Variants in TBC1D19 observed in about 807,000 individuals in gnomAD.
The protein encoded by TBC1D19 is TBC1 domain family member 19.
Under a neutral mutation model 89.0 loss-of-function variants are expected in TBC1D19, and 60 were observed. That is an observed-to-expected ratio of 0.67 (90% CI 0.55 to 0.84). TBC1D19 has a LOEUF of 0.84. Among genes scored for constraint, TBC1D19 ranks in the 40% least tolerant of loss-of-function variants. The pLI, the probability that TBC1D19 is intolerant of heterozygous loss-of-function variation, is 0.00. For missense variants in TBC1D19, 500 were observed against 610.8 expected, an observed-to-expected ratio of 0.82 and a Z score of 1.91; for synonymous variants, 189 against 199.7, an observed-to-expected ratio of 0.95 and a Z score of 0.45.
At chr4:26,704,928 T>C (rs1232614920) in intron 13 of TBC1D19, among the ~76,000 whole-genome samples, 2 of 152,176 alleles carry the variant, frequency 1.3e-5, no homozygotes, top group African/African-American at 4.8e-5. Context: ...GCCAACATGT[T>C]ACTTTCTCTT....
chr4:26,650,808 T>C (rs1744309374), intron 7 of TBC1D19, among the ~76,000 whole-genome samples: 1 of 152,226 alleles, frequency 6.6e-6, no homozygotes, highest in African/African-American at 2.4e-5. Context: ...TCCTGAATGG[T>C]ATTACCTAGG....
At chr4:26,809,854 G>C in the TBC1D19 span, among the ~76,000 whole-genome samples, 1 of 152,112 alleles carries the variant, frequency 6.6e-6, no homozygotes, top group South Asian at 2.1e-4. Flanking sequence ...ACCTCTTTAC[G>C]GTCCTGACTC....
intron 13 of TBC1D19, among the ~76,000 whole-genome samples, chr4:26,707,376 T>C (rs1185044736): frequency 6.6e-6 from 1 of 152,086 alleles, no homozygotes; most frequent in Non-Finnish European, 1.5e-5. Flanking sequence ...GGTTACTATT[T>C]GCATGGAGGG....
intron 7 of TBC1D19, among the ~76,000 whole-genome samples, chr4:26,645,180 A>G (rs7676433): frequency 2.6e-5 from 4 of 152,348 alleles, no homozygotes; most frequent in South Asian, 2.1e-4. Flanking sequence ...GAACCAAAAA[A>G]GAGCCCGCAG....
chr4:26,843,934 C>T, the TBC1D19 span, among the ~76,000 whole-genome samples: 7 of 152,122 alleles, frequency 4.6e-5, no homozygotes, highest in Non-Finnish European at 7.4e-5. Context: ...AACCAGATCT[C>T]GTGTGAACTC....
chr4:26,590,796 GTTTTTTTTTTTTT>G lies in TBC1D19; in HGVS notation c.99+6523_99+6535del, dbSNP rs869124166. ...GGTTCACTCTTTGTCTTGCAGGTCTGTTTTTTTTTTTTTTTTTTTTTTTTTTTTTTTGTGAGTC... is the reference window on the plus strand; with the variant it reads ...GGTTCACTCTTTGTCTTGCAGGTCTGTTTTTTTTTTTTTTTTTTGTGAGTC... On this transcript the variant is annotated intron_variant, in intron 1 of 20. Coordinates refer to ENST00000264866, the MANE Select transcript of TBC1D19 (RefSeq NM_018317.4). Among the ~76,000 whole-genome samples, 34 of 52,962 alleles carry G rather than the reference GTTTTTTTTTTTTT, an allele frequency of 6.4e-4. No individual in the cohort carries two copies. In the East Asian group the frequency reaches 7.4e-3, roughly 12 times the overall value. 34.7% of individuals were successfully genotyped at this position (52,962 alleles called of 152,430 possible). A position where few individuals can be genotyped will look rare whatever the true frequency, so the allele number is the denominator to read the frequency against.
At chr4:26,752,807 GA>G (rs1483393518) in intron 19 of TBC1D19, among the ~76,000 whole-genome samples, 2 of 152,060 alleles carry the variant, frequency 1.3e-5, no homozygotes, top group Non-Finnish European at 2.9e-5. Flanking sequence ...ATGTTTAATG[GA>G]AAAAATAATC....
At chr4:26,640,432 G>A (rs932478340) in intron 7 of TBC1D19, among the ~76,000 whole-genome samples, 1 of 152,212 alleles carries the variant, frequency 6.6e-6, no homozygotes, top group African/African-American at 2.4e-5. Context: ...ACTGTAGGAA[G>A]TGGGTTCCAA....
At chr4:26,763,640 C>T in the TBC1D19 span, among the ~76,000 whole-genome samples, 2 of 152,202 alleles carry the variant, frequency 1.3e-5, no homozygotes, top group Admixed American at 6.5e-5. Context: ...GGGCACATGT[C>T]GTCAGGACTT....
intron 11 of TBC1D19, among the ~76,000 whole-genome samples, chr4:26,677,138 T>C (rs979290483): frequency 5.9e-5 from 9 of 152,220 alleles, no homozygotes; most frequent in African/African-American, 2.2e-4. Flanking sequence ...GTGTCATCCC[T>C]AGCTCCTGAA....
chr4:26,809,618 G>A, the TBC1D19 span, among the ~76,000 whole-genome samples: 3 of 152,190 alleles, frequency 2.0e-5, no homozygotes, highest in Non-Finnish European at 4.4e-5. Context: ...AGCAAATGTG[G>A]CCAATACAGG....
At chr4:26,624,143 T>C (rs1190580527) in intron 4 of TBC1D19, among the ~76,000 whole-genome samples, 1 of 152,162 alleles carries the variant, frequency 6.6e-6, no homozygotes, top group African/African-American at 2.4e-5. Context: ...CATTTTGCCT[T>C]TCCCTCTTGC....
chr4:26,779,384 C>T, the TBC1D19 span, among the ~76,000 whole-genome samples: 1 of 152,350 alleles, frequency 6.6e-6, no homozygotes, highest in East Asian at 1.9e-4. Flanking sequence ...ACACCTGGTG[C>T]TGGGCAGACC....
intron 13 of TBC1D19, 94 bp downstream of exon 13, chr4:26,688,501 T>C: frequency 7.6e-7 from 1 of 1,309,916 alleles, no homozygotes; most frequent in Non-Finnish European, 9.8e-7. Context: ...CTAAATCTTT[T>C]TGTAATCCAT....
chr4:26,837,942 CT>C, the TBC1D19 span, among the ~76,000 whole-genome samples: 1 of 152,148 alleles, frequency 6.6e-6, no homozygotes, highest in Non-Finnish European at 1.5e-5. Flanking sequence ...TAAAAAATGA[CT>C]GTCACATTCT....
intron 1 of TBC1D19, among the ~76,000 whole-genome samples, chr4:26,605,060 A>T (rs891854712): frequency 5.3e-5 from 8 of 151,296 alleles, no homozygotes; most frequent in Non-Finnish European, 8.8e-5. Flanking sequence ...TTATTTTTTT[A>T]TTATTATTAT....
At chr4:26,787,897 C>G in the TBC1D19 span, among the ~76,000 whole-genome samples, 1 of 152,316 alleles carries the variant, frequency 6.6e-6, no homozygotes, top group Non-Finnish European at 1.5e-5. Flanking sequence ...CTGCAGGACT[C>G]TGGCAGCCAG....
intron 13 of TBC1D19, among the ~76,000 whole-genome samples, chr4:26,707,648 T>TTG (rs889938227): frequency 1.6e-4 from 24 of 151,698 alleles, no homozygotes; most frequent in Admixed American, 2.6e-4. Context: ...GTTGGGGTTT[T>TTG]TGTGTGTGTG....
At chr4:26,642,751 G>A (rs998841631) in intron 7 of TBC1D19, among the ~76,000 whole-genome samples, 4 of 152,094 alleles carry the variant, frequency 2.6e-5, no homozygotes, top group Non-Finnish European at 5.9e-5. Flanking sequence ...CAAGCAAATG[G>A]AAAGCACAAA....
Sources: gnomAD v4.1 joint callset for allele counts (sites outside exome capture counted in the v4.1 genomes callset) on GRCh38, gnomAD v4.1.1 for gene constraint, MANE v1.5 for transcripts, NCBI Gene and HGNC (gene_info 2026-07-23, HGNC 2026-07-21) for gene names.